Variants in ITIH2 observed in about 807,000 individuals in gnomAD.
The protein encoded by ITIH2 is inter-alpha-trypsin inhibitor heavy chain H2.
A neutral mutation model predicts 104.4 loss-of-function variants in ITIH2; 103 were observed. The observed-to-expected ratio is 0.99, with a 90% CI of 0.84 to 1.16. The LOEUF (loss-of-function observed/expected upper bound fraction) is 1.16. Among genes scored for constraint, ITIH2 ranks in the 50% most tolerant of loss-of-function variants. ITIH2 has a pLI of 0.00. For synonymous variants in ITIH2, 436 were observed against 435.4 expected (o/e 1.00, Z -0.02); for missense variants, 1,108 against 1,162.4 (o/e 0.95, Z 0.68).
chr10:7,712,206 G>A (rs895947370), intron 4 of ITIH2, among the ~76,000 whole-genome samples: 5 of 152,158 alleles, frequency 3.3e-5, no homozygotes, highest in Admixed American at 6.5e-5. Context: ...TCTGAAGGCC[G>A]GGAAGTCCGA....
intron 9 of ITIH2, 24 bp from the exon 10 acceptor site, chr10:7,726,925 CT>C: frequency 6.5e-7 from 1 of 1,541,000 alleles, no homozygotes; most frequent in Non-Finnish European, 8.8e-7. Flanking sequence ...GTAATGGGAC[CT>C]GTCTTTATTC....
intron 3 of ITIH2, among the ~76,000 whole-genome samples, chr10:7,708,627 T>G (rs1834768665): frequency 6.6e-6 from 1 of 152,084 alleles, no homozygotes; most frequent in Non-Finnish European, 1.5e-5. Flanking sequence ...ACAACCAAGT[T>G]CCTCTTTCAA....
In ITIH2 at chr10:7,708,932, T is replaced by C. The variant is rs899629638; in HGVS notation, c.193-90T>C. 1.5e-5 allele frequency: 16 copies of C among 1,066,220 alleles called. No individual in the cohort carries two copies. The Admixed American group carries it at 2.9e-4, about 19-fold the overall frequency. The allele number at this position is 1,066,220 out of a possible 1,614,324, so 66.0% of individuals were successfully genotyped here. A position where few individuals can be genotyped will look rare whatever the true frequency, so the allele number is the denominator to read the frequency against. ...TGTTCTGCTAGTAAAACAAGTAAAA[T>C]GTAGTGTTGTTAACATCAAATGCAC... On this transcript the variant is annotated intron_variant, in intron 3 of 20. Transcript: ENST00000358415.
intron 8 of ITIH2, 128 bp downstream of exon 8, chr10:7,721,905 G>A (rs1458882875): frequency 4.3e-6 from 4 of 924,638 alleles, no homozygotes; most frequent in East Asian, 2.5e-5. Context: ...GCAGAGAAGG[G>A]ACTAAAATCA....
chr10:7,727,456 A>G (rs965964810), intron 10 of ITIH2, among the ~76,000 whole-genome samples: 1 of 152,236 alleles, frequency 6.6e-6, no homozygotes, highest in Non-Finnish European at 1.5e-5. Context: ...TAACAAGCTA[A>G]CAGTCTGTGC....
intron 5 of ITIH2, among the ~76,000 whole-genome samples, chr10:7,714,551 T>C (rs1195151069): frequency 6.6e-6 from 1 of 152,174 alleles, no homozygotes; most frequent in East Asian, 1.9e-4. Flanking sequence ...TCACCTGTAG[T>C]TGAAGTTCTT....
intron 13 of ITIH2, 94 bp from the exon 14 acceptor site, chr10:7,732,243 TA>T (rs1835010385): frequency 1.5e-6 from 2 of 1,378,088 alleles, no homozygotes; most frequent in Admixed American, 1.9e-5. Context: ...ATTTCTTTTT[TA>T]TTCCCATTCA....
At chr10:7,703,545 T>TCATGAACAAGCCAACAGCAAG in intron 1 of ITIH2, 27 bp downstream of exon 1, 1 of 1,418,988 alleles carries the variant, frequency 7.0e-7, no homozygotes, top group Non-Finnish European at 1.0e-6. Flanking sequence ...CACTCCTTGC[T>TCATGAACAAGCCAACAGCAAG]GTTGGCTTGT....
intron 16 of ITIH2, among the ~76,000 whole-genome samples, chr10:7,742,188 A>AT (rs3839914): frequency 0.071 from 10,591 of 148,760 alleles, 473 homozygotes; most frequent in East Asian, 0.24. Context: ...TTGCACATAG[A>AT]TTTTTTTTTT....
chr10:7,716,948 A>AT (rs755687195), intron 5 of ITIH2, among the ~76,000 whole-genome samples: 32,823 of 131,546 alleles, frequency 0.25, 4,322 homozygotes, highest in Middle Eastern at 0.33. Context: ...CTACAAGCCT[A>AT]TTTTTTTTTT....
intron 2 of ITIH2, among the ~76,000 whole-genome samples, chr10:7,706,332 G>C (rs376296868): frequency 6.6e-6 from 1 of 152,120 alleles, no homozygotes; most frequent in African/African-American, 2.4e-5. Context: ...CGACTTCTTG[G>C]ATCTATTATT....
chr10:7,747,712 C>T (rs1275470383), intron 20 of ITIH2, among the ~76,000 whole-genome samples: 1 of 152,058 alleles, frequency 6.6e-6, no homozygotes, highest in African/African-American at 2.4e-5. Context: ...CATAGTAAGA[C>T]TCCATCTCTA....
chr10:7,717,508 C>A lies in ITIH2; in HGVS notation c.468-118C>A, dbSNP rs909617519. ...CTCTAGTGTACCTACTGTTCACTTTCATGAACTACTGAGCAGAACGGACGG... is the reference window on the plus strand; with the variant it reads ...CTCTAGTGTACCTACTGTTCACTTTAATGAACTACTGAGCAGAACGGACGG... On this transcript the variant is annotated intron_variant, in intron 5 of 20. Coordinates refer to ENST00000358415, the MANE Select transcript of ITIH2 (RefSeq NM_002216.3). 9 of 855,980 alleles carry A rather than the reference C, an allele frequency of 1.1e-5. No individual in the cohort carries two copies. In the Admixed American group the frequency reaches 1.6e-4, roughly 15 times the overall value. The allele number at this position is 855,980 out of a possible 1,614,324, so 53.0% of individuals were successfully genotyped here.
chr10:7,714,597 A>G (rs2130941796), intron 5 of ITIH2, among the ~76,000 whole-genome samples: 1 of 152,314 alleles, frequency 6.6e-6, no homozygotes, highest in South Asian at 2.1e-4. Context: ...TTCAACAAAA[A>G]TGCATCAAAT....
intron 5 of ITIH2, among the ~76,000 whole-genome samples, chr10:7,714,403 A>G (rs1368839705): frequency 1.3e-5 from 2 of 151,732 alleles, no homozygotes; most frequent in Non-Finnish European, 2.9e-5. Context: ...CGATCTCCTG[A>G]CCTCGTGATC....
intron 4 of ITIH2, among the ~76,000 whole-genome samples, chr10:7,712,179 A>G (rs1834802272): frequency 6.6e-6 from 1 of 152,166 alleles, no homozygotes; most frequent in African/African-American, 2.4e-5. Flanking sequence ...AAACAACAGA[A>G]ATTTAAAATT....
Position 7,731,593 on chromosome 10 carries a change from C to T in ITIH2, c.1462-218C>T, listed in dbSNP as rs958728557. 3.9e-5 allele frequency among the ~76,000 whole-genome samples: 6 copies of T among 152,126 alleles called. No homozygotes were observed. The East Asian group carries it at 9.7e-4, about 25-fold the overall frequency. On this transcript the variant is annotated intron_variant, in intron 12 of 20. Coordinates refer to ENST00000358415, the MANE Select transcript of ITIH2 (RefSeq NM_002216.3). ...TACAAAAATTAGCCGGGCTTGGTGGCGGGTGCCCGTAATCCCAGCTACTTG... is the reference window on the plus strand; with the variant it reads ...TACAAAAATTAGCCGGGCTTGGTGGTGGGTGCCCGTAATCCCAGCTACTTG...
intron 15 of ITIH2, among the ~76,000 whole-genome samples, chr10:7,738,363 G>A (rs1424521886): frequency 1.4e-5 from 2 of 145,608 alleles, no homozygotes; most frequent in African/African-American, 5.1e-5. Flanking sequence ...GAGTCACGGG[G>A]CCCTTCCCCG....
intron 16 of ITIH2, among the ~76,000 whole-genome samples, chr10:7,742,571 C>A (rs1413541380): frequency 2.0e-5 from 3 of 151,994 alleles, no homozygotes; most frequent in Non-Finnish European, 4.4e-5. Flanking sequence ...TGAGACCCCC[C>A]ATCTCTACAA....
Sources: gnomAD v4.1 joint callset for allele counts (sites outside exome capture counted in the v4.1 genomes callset) on GRCh38, gnomAD v4.1.1 for gene constraint, MANE v1.5 for transcripts, NCBI Gene and HGNC (gene_info 2026-07-23, HGNC 2026-07-21) for gene names.